Variants in TNKS observed in about 807,000 individuals in gnomAD.
The protein encoded by TNKS is tankyrase, also known as poly [ADP-ribose] polymerase tankyrase-1.
TNKS carries 72 observed loss-of-function variants against 135.8 expected under a neutral mutation model. That is an observed-to-expected ratio of 0.53 (90% CI 0.44 to 0.64). The LOEUF (loss-of-function observed/expected upper bound fraction) is 0.64, where lower values mean the gene tolerates loss of function less well. TNKS is among the 30% of genes least tolerant of loss of function. The probability of loss-of-function intolerance (pLI) is 0.00; values close to 1 mark genes in which losing one functional copy is unlikely to be tolerated. For missense variants in TNKS, 1,769 were observed against 1,674.0 expected, an observed-to-expected ratio of 1.06 and a Z score of -0.99; for synonymous variants, 849 against 649.3, an observed-to-expected ratio of 1.31 and a Z score of -4.68.
At chr8:9,587,704 C>T (rs1798441900) in intron 2 of TNKS, among the ~76,000 whole-genome samples, 1 of 152,110 alleles carries the variant, frequency 6.6e-6, no homozygotes, top group Non-Finnish European at 1.5e-5. Context: ...GCCTGGCCGA[C>T]ACTTTGATTT....
Position 9,720,592 on chromosome 8 carries a change from C to T in TNKS, c.1921+47C>T, listed in dbSNP as rs781433847. On this transcript the variant is annotated intron_variant, in intron 12 of 26. Transcript: ENST00000310430. ...GGGCATTTTATGTTTTCTCTTCCAT[C>T]CCTGCTGAAATACACAGACAAACTT... The T allele has an allele frequency of 2.6e-6, 4 of 1,556,500 alleles. No individual in the cohort carries two copies. The Admixed American group carries it at 5.7e-5, about 22-fold the overall frequency.
chr8:9,649,995 C>G (rs1484628455), intron 3 of TNKS, among the ~76,000 whole-genome samples: 1 of 148,530 alleles, frequency 6.7e-6, no homozygotes, highest in Non-Finnish European at 1.5e-5. Context: ...TGGGTTCAAG[C>G]AGTTCTCCTT....
chr8:9,653,126 G>T (rs1323274818), intron 3 of TNKS, among the ~76,000 whole-genome samples: 1 of 152,178 alleles, frequency 6.6e-6, no homozygotes, highest in Non-Finnish European at 1.5e-5. Context: ...AAAGATTAAA[G>T]ACTGCTATAG....
chr8:9,691,794 A>G (rs1172032657), intron 5 of TNKS, among the ~76,000 whole-genome samples: 1 of 151,780 alleles, frequency 6.6e-6, no homozygotes, highest in Non-Finnish European at 1.5e-5. Context: ...TGTATATGCT[A>G]TGTCATTTTA....
intron 19 of TNKS, 84 bp downstream of exon 19, chr8:9,751,930 T>C: frequency 1.6e-6 from 2 of 1,229,272 alleles, no homozygotes; most frequent in African/African-American, 1.5e-5. Flanking sequence ...AACTATTGAA[T>C]GCCTCAATTA....
At chr8:9,679,820 C>G (rs1802702698) in intron 3 of TNKS, 131 bp from the exon 4 acceptor site, 1 of 672,324 alleles carries the variant, frequency 1.5e-6, no homozygotes, top group African/African-American at 1.8e-5. Flanking sequence ...AACGTCACGG[C>G]TCCATCACCC....
chr8:9,703,033 A>C (rs1004967637), intron 5 of TNKS, among the ~76,000 whole-genome samples: 1 of 152,158 alleles, frequency 6.6e-6, no homozygotes, highest in African/African-American at 2.4e-5. Flanking sequence ...AACAAACAAA[A>C]AAGAAACAAA....
chr8:9,720,152 A>C (rs2128812516), intron 11 of TNKS, among the ~76,000 whole-genome samples: 1 of 152,282 alleles, frequency 6.6e-6, no homozygotes. Context: ...TCATTCCGGG[A>C]AGAAAGGGTA....
At chr8:9,680,601 A>T in intron 4 of TNKS, 124 bp from the exon 5 acceptor site, 1 of 639,948 alleles carries the variant, frequency 1.6e-6, no homozygotes, top group Admixed American at 2.7e-5. Flanking sequence ...AAAGAGATTT[A>T]TTGTGATCCA....
Position 9,574,993 on chromosome 8 carries a change from TCTAA to T in TNKS, c.674-5165_674-5162del, listed in dbSNP as rs1797892056. The T allele has an allele frequency of 5.2e-6, 5 of 960,980 alleles. No individual in the cohort carries two copies. In the Admixed American group the frequency reaches 3.2e-4, roughly 61 times the overall value. The allele number at this position is 960,980 out of a possible 1,614,324, so 59.5% of individuals were successfully genotyped here. A position where few individuals can be genotyped will look rare whatever the true frequency, so the allele number is the denominator to read the frequency against. On this transcript the variant is annotated intron_variant, in intron 1 of 26. Transcript: ENST00000310430. ...GGAGATGCTAAGAATGTGGAAAGATTCTAAGGAGCTCCTAATACCGTTGATAAAC... is the reference window on the plus strand; with the variant it reads ...GGAGATGCTAAGAATGTGGAAAGATTGGAGCTCCTAATACCGTTGATAAAC...
Position 9,751,688 on chromosome 8 carries a change from T to C in TNKS, c.2912T>C (p.Val971Ala). The change falls in exon 19 of 27, where the codon GTA becomes GCA. Residue 971 changes from valine (V) to alanine (A), a missense_variant. Physicochemically the swap from Val to Ala is moderately conservative, Grantham distance 64. Around this residue, in one of 5 missense-constraint regions of TNKS, gnomAD observed 722 missense variants for 688.9 expected, o/e 1.05. Transcript: ENST00000310430. Reference sequence around the variant, plus strand: ...ACCTGTTTTAAACCTCAGGCTACTGTAGTGAGTGCCTCTCTGATCTCACCA... The same window carrying C: ...ACCTGTTTTAAACCTCAGGCTACTGCAGTGAGTGCCTCTCTGATCTCACCA... Reference protein sequence around the residue: ...LPTCFKPQATVVSASLISPAS... With the variant: ...LPTCFKPQATAVSASLISPAS... The C allele has an allele frequency of 1.2e-6, 2 of 1,614,196 alleles. No individual in the cohort carries two copies. The highest frequency in any genetic ancestry group is 1.7e-6 in the Non-Finnish European group (2 of 1,180,024).
chr8:9,773,005 C>T (rs988216683), intron 26 of TNKS, among the ~76,000 whole-genome samples: 5 of 151,072 alleles, frequency 3.3e-5, no homozygotes, highest in African/African-American at 1.2e-4. Flanking sequence ...TTAATTTTTG[C>T]AACTTACTTG....
intron 11 of TNKS, among the ~76,000 whole-genome samples, chr8:9,716,362 A>G (rs1399204834): frequency 6.6e-6 from 1 of 152,180 alleles, no homozygotes; most frequent in Non-Finnish European, 1.5e-5. Context: ...TATCTTTTAC[A>G]GTGTAAATAA....
intron 5 of TNKS, among the ~76,000 whole-genome samples, chr8:9,687,690 A>T (rs1333448502): frequency 6.6e-6 from 1 of 152,140 alleles, no homozygotes. Flanking sequence ...ACCTCTATTT[A>T]GCCACTCTCC....
chr8:9,654,401 A>AT (rs1801267864), intron 3 of TNKS, among the ~76,000 whole-genome samples: 1 of 152,236 alleles, frequency 6.6e-6, no homozygotes, highest in African/African-American at 2.4e-5. Context: ...TACAAAAAAA[A>AT]ATTAAATTTT....
intron 3 of TNKS, among the ~76,000 whole-genome samples, chr8:9,672,696 ACACACACACACACAC>A (rs1802343775): frequency 8.1e-6 from 1 of 124,220 alleles, no homozygotes; most frequent in Non-Finnish European, 1.7e-5. Context: ...ACACACACAC[ACACACACACACACAC>A]AAAAAAAAAA....
At chr8:9,583,489 A>AT (rs949170348) in intron 2 of TNKS, among the ~76,000 whole-genome samples, 30 of 149,642 alleles carry the variant, frequency 2.0e-4, no homozygotes, top group African/African-American at 3.9e-4. Context: ...ATGCTATATG[A>AT]TTTTTTTTTT....
intron 12 of TNKS, among the ~76,000 whole-genome samples, chr8:9,721,984 C>T (rs539883159): frequency 2.7e-5 from 4 of 150,812 alleles, no homozygotes; most frequent in Non-Finnish European, 4.4e-5. Context: ...ACCTAGGAGA[C>T]GGAGGTTGCA....
At chr8:9,773,803 A>G (rs1171128160) in intron 26 of TNKS, among the ~76,000 whole-genome samples, 2 of 152,068 alleles carry the variant, frequency 1.3e-5, no homozygotes, top group Non-Finnish European at 2.9e-5. Flanking sequence ...TTCCATATTC[A>G]GGTATACTTG....
Sources: gnomAD v4.1 joint callset for allele counts (sites outside exome capture counted in the v4.1 genomes callset) on GRCh38, gnomAD v4.1.1 for gene constraint, gnomAD v4.1.1 regional missense constraint, MANE v1.5 for transcripts, NCBI Gene and HGNC (gene_info 2026-07-23, HGNC 2026-07-21) for gene names.